Variants in SLC38A4 observed in about 807,000 individuals in gnomAD.
SLC38A4 encodes solute carrier family 38 member 4, also known as sodium-coupled neutral amino acid transporter 4.
SLC38A4 carries 20 observed loss-of-function variants against 63.1 expected under a neutral mutation model. That is an observed-to-expected ratio of 0.32 (90% CI 0.22 to 0.46). SLC38A4 has a LOEUF of 0.46. Ranked by LOEUF, SLC38A4 falls within the 20% of genes least tolerant of loss-of-function variation. The pLI is 1.00. For missense variants in SLC38A4, 526 were observed against 663.6 expected (o/e 0.79, Z 2.28); for synonymous variants, 230 against 225.5 (o/e 1.02, Z -0.18).
At position 46,821,136 on chromosome 12, in the gene SLC38A4, C is replaced by T. The variant is rs1020782874; in HGVS notation, c.-305+4767G>A. ...TGCCTTTTCATTCTATTGATTATTT[C>T]CTTCGCTGTGCAGAAGCCTTTTAGT... On this transcript the variant is annotated intron_variant, in intron 1 of 16. Coordinates refer to ENST00000266579, the MANE Select transcript of SLC38A4 (RefSeq NM_018018.5). Among the ~76,000 whole-genome samples the T allele has an allele frequency of 2.6e-5, 4 of 152,016 alleles. No homozygotes were observed. In the South Asian group the frequency reaches 6.2e-4, roughly 24 times the overall value.
In SLC38A4 at chr12:46,778,569, T is replaced by C. The variant is rs766178882; in HGVS notation, c.925A>G (p.Ser309Gly). Residue 309 changes from serine (S) to glycine (G), a missense_variant, in exon 11 of 17, where the codon AGT becomes GGT. Transcript: ENST00000266579. ...CTATGAGCTTCATATTCTACTCCAC[T>C]GTCATGAAGAGAGCCCTTGGCCTGG... The part of the protein sequence containing the change: ...ENQAKGSLHD[S>G]GVEYEAHSDD... The C allele has an allele frequency of 1.2e-6, 2 of 1,613,012 alleles. No homozygotes were observed. Among genetic ancestry groups the C allele is most frequent in the Non-Finnish European group, 1.7e-6 (2 of 1,179,392 alleles).
intron 15 of SLC38A4, among the ~76,000 whole-genome samples, chr12:46,768,925 C>T (rs1565661178): frequency 6.6e-6 from 1 of 152,092 alleles, no homozygotes; most frequent in African/African-American, 2.4e-5. Context: ...AGCTGATACT[C>T]GTAGTATCAG....
At chr12:46,822,482 T>C (rs1939570071) in intron 1 of SLC38A4, among the ~76,000 whole-genome samples, 1 of 152,146 alleles carries the variant, frequency 6.6e-6, no homozygotes, top group Admixed American at 6.5e-5. Context: ...GCTAATAAGG[T>C]CCTGGCATGA....
chr12:46,794,382 T>G (rs1938957529), intron 2 of SLC38A4, among the ~76,000 whole-genome samples: 1 of 151,708 alleles, frequency 6.6e-6, no homozygotes, highest in African/African-American at 2.4e-5. Context: ...GAACTACAAA[T>G]AACAAAGCAA....
chr12:46,773,845 T>C (rs1435077065), intron 14 of SLC38A4, among the ~76,000 whole-genome samples: 5 of 152,092 alleles, frequency 3.3e-5, no homozygotes, highest in South Asian at 2.1e-4. Flanking sequence ...AGATTTCTTA[T>C]GCTTTGATTC....
intron 3 of SLC38A4, among the ~76,000 whole-genome samples, chr12:46,791,135 G>T (rs74084200): frequency 0.063 from 9,531 of 152,218 alleles, 1,009 homozygotes; most frequent in African/African-American, 0.22. Flanking sequence ...ATATTTGTGT[G>T]CATGCCTTTC....
intron 5 of SLC38A4, among the ~76,000 whole-genome samples, chr12:46,785,552 C>T (rs181409381): frequency 6.6e-6 from 1 of 152,102 alleles, no homozygotes; most frequent in Admixed American, 6.6e-5. Context: ...AATTGAAGGG[C>T]TATTCAATAG....
intron 7 of SLC38A4, among the ~76,000 whole-genome samples, chr12:46,783,670 T>A (rs1472650673): frequency 6.6e-6 from 1 of 152,084 alleles, no homozygotes; most frequent in Non-Finnish European, 1.5e-5. Flanking sequence ...ACATTTACGC[T>A]GACATCCAGA....
At chr12:46,821,345 A>C (rs1939544930) in intron 1 of SLC38A4, among the ~76,000 whole-genome samples, 1 of 152,076 alleles carries the variant, frequency 6.6e-6, no homozygotes, top group African/African-American at 2.4e-5. Flanking sequence ...TTTATGATGT[A>C]AGATAAAGGT....
At chr12:46,796,871 A>C (rs1939019101) in intron 2 of SLC38A4, among the ~76,000 whole-genome samples, 1 of 152,138 alleles carries the variant, frequency 6.6e-6, no homozygotes, top group African/African-American at 2.4e-5. Flanking sequence ...CTGGTTGCCC[A>C]TGATCTATGC....
Position 46,787,464 on chromosome 12 carries a change from T to A in SLC38A4, c.326+452A>T, listed in dbSNP as rs117768289. Among the ~76,000 whole-genome samples the A allele has an allele frequency of 5.9e-4, 90 of 152,224 alleles. 2 individuals carry two copies. The East Asian group carries it at 0.017, about 30-fold the overall frequency. ...AAGAGAAGAGGGTTCCAAGACCATG[T>A]GCAAAGGTCCAATGGTGAGAGGGAA... On this transcript the variant is annotated intron_variant, in intron 5 of 16. Transcript: ENST00000266579.
rs759464554 is a variant in SLC38A4 at position 46,769,285 on chromosome 12, T to C, written c.1443A>G (p.Ile481Met). Residue 481 changes from isoleucine (I) to methionine (M), a missense_variant and splice_region_variant, in exon 15 of 17, where the codon ATA becomes ATG. Transcript: ENST00000266579. ...VPTIKYIFGF[I>M]GASSATMLIF... ...AATTGAAGCCTTTCTGAAACTCACC[T>C]ATGAATCCGAAGATGTATTTTATAG... is the stretch of plus-strand genomic sequence containing the variant. The C allele has an allele frequency of 6.2e-7, 1 of 1,612,994 alleles. No homozygotes were observed. The highest frequency in any genetic ancestry group is 1.7e-5 in the Admixed American group (1 of 59,902).
chr12:46,787,830 A>G, intron 5 of SLC38A4, 86 bp downstream of exon 5: 1 of 963,876 alleles, frequency 1.0e-6, no homozygotes, highest in Non-Finnish European at 1.6e-6. Context: ...CACGTTCACA[A>G]AGATCAAACT....
intron 1 of SLC38A4, among the ~76,000 whole-genome samples, chr12:46,819,449 A>C (rs2120916287): frequency 6.6e-6 from 1 of 152,078 alleles, no homozygotes; most frequent in South Asian, 2.1e-4. Context: ...ATCATTCTGT[A>C]CCAATTATTA....
chr12:46,766,657 C>A lies in SLC38A4; in HGVS notation c.*44G>T. ...AATTCAAATATCTTTTGGAGTATAA[C>A]TTGTAACCATTTCCAATAGAAAAAG... On this transcript the variant is annotated 3_prime_UTR_variant, in exon 17 of 17. Transcript: ENST00000266579. 2 of 1,244,136 alleles carry A rather than the reference C, an allele frequency of 1.6e-6. No homozygotes were observed. Among genetic ancestry groups the A allele is most frequent in the South Asian group, 1.2e-5 (1 of 80,672 alleles). The allele number at this position is 1,244,136 out of a possible 1,614,324, so 77.1% of individuals were successfully genotyped here.
intron 1 of SLC38A4, among the ~76,000 whole-genome samples, chr12:46,805,037 T>G (rs1939204090): frequency 6.6e-6 from 1 of 151,954 alleles, no homozygotes; most frequent in Admixed American, 6.6e-5. Context: ...AAAATTTCAT[T>G]TAATAGTGGG....
At chr12:46,794,477 A>T (rs775044750) in intron 2 of SLC38A4, among the ~76,000 whole-genome samples, 3 of 152,088 alleles carry the variant, frequency 2.0e-5, no homozygotes, top group African/African-American at 4.8e-5. Context: ...ACTTTCACAG[A>T]ATAAAAACAT....
At chr12:46,785,405 TA>T (rs894690267) in intron 5 of SLC38A4, among the ~76,000 whole-genome samples, 1 of 151,702 alleles carries the variant, frequency 6.6e-6, no homozygotes, top group African/African-American at 2.4e-5. Context: ...CTAACTTTTT[TA>T]ATGTTACCCA....
At chr12:46,801,702 A>C (rs1939135238) in intron 2 of SLC38A4, among the ~76,000 whole-genome samples, 1 of 152,108 alleles carries the variant, frequency 6.6e-6, no homozygotes, top group South Asian at 2.1e-4. Context: ...TACCATAGAT[A>C]AATGAATGTA....
Sources: gnomAD v4.1 joint callset for allele counts (sites outside exome capture counted in the v4.1 genomes callset) on GRCh38, gnomAD v4.1.1 for gene constraint, MANE v1.5 for transcripts, NCBI Gene and HGNC (gene_info 2026-07-23, HGNC 2026-07-21) for gene names.